Variants in PRUNE1 observed in about 807,000 individuals in gnomAD.
The protein encoded by PRUNE1 is exopolyphosphatase PRUNE1.
A neutral mutation model predicts 42.5 loss-of-function variants in PRUNE1; 25 were observed. The observed-to-expected ratio is 0.59, with a 90% CI of 0.43 to 0.82. The LOEUF (loss-of-function observed/expected upper bound fraction) is 0.82, where lower values mean the gene tolerates loss of function less well. Among genes scored for constraint, PRUNE1 ranks in the 40% least tolerant of loss-of-function variants. The pLI is 0.00. For synonymous variants in PRUNE1, 203 were observed against 217.1 expected, an observed-to-expected ratio of 0.93 and a Z score of 0.57; for missense variants, 443 against 539.3, an observed-to-expected ratio of 0.82 and a Z score of 1.77.
At position 151,033,460 on chromosome 1, in the gene PRUNE1, C is replaced by G. The variant is rs58738618; in HGVS notation, c.934-346C>G. ...GGCTGGAGTGCAGTGGCGCGATCTC[C>G]GCTCACTGCAAGCTCCGCCTCCTGG... On this transcript the variant is annotated intron_variant, in intron 7 of 7. Transcript: ENST00000271620. Among the ~76,000 whole-genome samples, 934 of 147,164 alleles carry G rather than the reference C, an allele frequency of 6.3e-3. 11 individuals carry two copies. Among genetic ancestry groups the G allele is most frequent in the African/African-American group, 0.023 (899 of 39,608 alleles).
rs587749967 is a variant in PRUNE1 at position 151,014,909 on chromosome 1, C to T, written c.40-2903C>T. ...CAGCCTCCACAAAAAAAGAATTATCCGGCTGGGCATGGTGGCTCATGCCTG... is the reference window on the plus strand; with the variant it reads ...CAGCCTCCACAAAAAAAGAATTATCTGGCTGGGCATGGTGGCTCATGCCTG... On this transcript the variant is annotated intron_variant, in intron 1 of 7. Coordinates refer to ENST00000271620, the MANE Select transcript of PRUNE1 (RefSeq NM_021222.3). Among the ~76,000 whole-genome samples the T allele has an allele frequency of 6.6e-5, 10 of 152,262 alleles. No individual in the cohort carries two copies. In the East Asian group the frequency reaches 7.7e-4, roughly 12 times the overall value.
intron 3 of PRUNE1, among the ~76,000 whole-genome samples, chr1:151,024,046 G>A (rs1438689222): frequency 6.6e-6 from 1 of 151,914 alleles, no homozygotes; most frequent in African/African-American, 2.4e-5. Flanking sequence ...AATTAGCCGG[G>A]TTTGGTGGCA....
rs182854373 is a variant in PRUNE1, at chr1:151,022,457, C to G, written c.336-2154C>G. On this transcript the variant is annotated intron_variant, in intron 3 of 7. Coordinates refer to ENST00000271620, the MANE Select transcript of PRUNE1 (RefSeq NM_021222.3). ...TTTAAGAGACGTAGTCTCGCTCTGT[C>G]GCCCAGGCTGGAGTGCACTGGCGCG... is the stretch of plus-strand genomic sequence containing the variant. Among the ~76,000 whole-genome samples the G allele has an allele frequency of 4.1e-3, 560 of 136,460 alleles. 6 individuals are homozygous for G. The highest frequency in any genetic ancestry group is 0.014 in the African/African-American group (508 of 36,524). 89.5% of individuals were successfully genotyped at this position (136,460 alleles called of 152,430 possible). A position where few individuals can be genotyped will look rare whatever the true frequency, so the allele number is the denominator to read the frequency against.
intron 6 of PRUNE1, 37 bp downstream of exon 6, chr1:151,027,364 G>C (rs1674913908): frequency 6.7e-7 from 1 of 1,483,968 alleles, no homozygotes; most frequent in Admixed American, 1.7e-5. Flanking sequence ...GGGAGAGAAA[G>C]CCTTTAGCTA....
chr1:151,024,508 A>G, intron 3 of PRUNE1, 103 bp from the exon 4 acceptor site: 2 of 1,106,762 alleles, frequency 1.8e-6, no homozygotes, highest in Non-Finnish European at 1.3e-6. Flanking sequence ...AAAAAAAAAG[A>G]CATCTGCATT....
chr1:151,008,806 T>C, intron 1 of PRUNE1, 135 bp downstream of exon 1: 1 of 1,124,048 alleles, frequency 8.9e-7, no homozygotes, highest in Non-Finnish European at 1.3e-6. Context: ...TGGGGCCTGA[T>C]CAGTTTTGGG....
chr1:151,029,569 G>A (rs374060331), intron 7 of PRUNE1, among the ~76,000 whole-genome samples: 38 of 151,420 alleles, frequency 2.5e-4, no homozygotes, highest in South Asian at 1.0e-3. Flanking sequence ...GGGTTTCACC[G>A]TGTTAGCCAG....
Position 151,034,033 on chromosome 1 carries a change from G to A in PRUNE1, c.1161G>A (p.Leu387=). 1 of 1,614,174 alleles carries A rather than the reference G, an allele frequency of 6.2e-7. No individual in the cohort carries two copies. Among genetic ancestry groups the A allele is most frequent in the Non-Finnish European group, 8.5e-7 (1 of 1,180,018 alleles). ...DVSREQVDKE[L]DRASNSLISG... ...CCAGGGAGCAAGTGGACAAGGAATTGGACAGGGCAAGTAACTCCCTGATTT... is the reference window on the plus strand; with the variant it reads ...CCAGGGAGCAAGTGGACAAGGAATTAGACAGGGCAAGTAACTCCCTGATTT... Residue 387 remains leucine (L), a synonymous_variant, in exon 8 of 8, where the codon TTG becomes TTA. Coordinates refer to ENST00000271620, the MANE Select transcript of PRUNE1 (RefSeq NM_021222.3).
At chr1:151,027,769 T>TGC (rs1351469764) in intron 6 of PRUNE1, among the ~76,000 whole-genome samples, 15 of 140,492 alleles carry the variant, frequency 1.1e-4, no homozygotes, top group African/African-American at 4.7e-4. Context: ...TGTGTGTGTG[T>TGC]GTGTGTGTGT....
chr1:151,027,348 T>C, intron 6 of PRUNE1, 21 bp downstream of exon 6: 1 of 1,553,840 alleles, frequency 6.4e-7, no homozygotes, highest in South Asian at 1.1e-5. Context: ...GTTGTGGCTG[T>C]GGGTGGGGAG....
Position 151,018,677 on chromosome 1 carries a change from C to T in PRUNE1, c.335+8C>T. 1.2e-6 allele frequency: 2 copies of T among 1,611,302 alleles called. No homozygotes were observed. Among genetic ancestry groups the T allele is most frequent in the Non-Finnish European group, 1.7e-6 (2 of 1,177,690 alleles). ...CCATCATATCTTATCCAAGTAAGCA[C>T]AAGGAAATTAAATTGCTACCTATCA... On this transcript the variant is annotated splice_region_variant and intron_variant, in intron 3 of 7. Coordinates refer to ENST00000271620, the MANE Select transcript of PRUNE1 (RefSeq NM_021222.3).
intron 1 of PRUNE1, among the ~76,000 whole-genome samples, chr1:151,009,215 T>A (rs1332158272): frequency 6.6e-6 from 1 of 152,148 alleles, no homozygotes; most frequent in Admixed American, 6.6e-5. Flanking sequence ...AGTCACAGTA[T>A]TTTACTTTAA....
At position 151,008,875 on chromosome 1, in the gene PRUNE1, TC is replaced by T. The variant is rs587722487; in HGVS notation, c.39+205del. On this transcript the variant is annotated intron_variant, in intron 1 of 7. Transcript: ENST00000271620. ...GAGCGTGAGAATGCTGCTTGTTCAGTCTCCCGGTTTTTGGCTCCCCGCCTTT... is the reference window on the plus strand; with the variant it reads ...GAGCGTGAGAATGCTGCTTGTTCAGTTCCCGGTTTTTGGCTCCCCGCCTTT... 34 of 727,730 alleles carry T rather than the reference TC, an allele frequency of 4.7e-5. No homozygotes were observed. In the Admixed American group the frequency reaches 5.5e-4, roughly 12 times the overall value. The allele number at this position is 727,730 out of a possible 1,614,324, so 45.1% of individuals were successfully genotyped here. A position where few individuals can be genotyped will look rare whatever the true frequency, so the allele number is the denominator to read the frequency against.
intron 7 of PRUNE1, among the ~76,000 whole-genome samples, chr1:151,029,956 A>G (rs1675138586): frequency 6.6e-6 from 1 of 151,808 alleles, no homozygotes; most frequent in Non-Finnish European, 1.5e-5. Flanking sequence ...TGATTAGCCT[A>G]GGGAAGAATT....
At chr1:151,023,955 G>A (rs587691145) in intron 3 of PRUNE1, among the ~76,000 whole-genome samples, 1 of 152,132 alleles carries the variant, frequency 6.6e-6, no homozygotes, top group East Asian at 1.9e-4. Context: ...GGCCAAGGCG[G>A]GCAGATCACG....
chr1:151,030,396 C>T (rs113693755), intron 7 of PRUNE1, among the ~76,000 whole-genome samples: 6 of 152,234 alleles, frequency 3.9e-5, no homozygotes, highest in African/African-American at 1.2e-4. Context: ...TCTGTCCTTT[C>T]CCGCCCCCCT....
chr1:151,019,362 C>T (rs1469629186), intron 3 of PRUNE1, among the ~76,000 whole-genome samples: 3 of 151,726 alleles, frequency 2.0e-5, no homozygotes, highest in Non-Finnish European at 4.4e-5. Flanking sequence ...GTTCAAGACC[C>T]GCCTGAGCAA....
Position 151,033,800 on chromosome 1 carries a change from C to T in PRUNE1, c.934-6C>T. On this transcript the variant is annotated splice_region_variant and splice_polypyrimidine_tract_variant and intron_variant, in intron 7 of 7. Transcript: ENST00000271620. ...TATCATTTCCCTGTTATTGTCTCCT[C>T]TTTAGATCTGTGAAGTCCTGGAACG... 1 of 1,611,246 alleles carries T rather than the reference C, an allele frequency of 6.2e-7. No individual in the cohort carries two copies. Among genetic ancestry groups the T allele is most frequent in the East Asian group, 2.2e-5 (1 of 44,818 alleles).
At chr1:151,018,311 G>T (rs1215625308) in intron 2 of PRUNE1, 156 bp from the exon 3 acceptor site, 1 of 783,456 alleles carries the variant, frequency 1.3e-6, no homozygotes, top group Non-Finnish European at 2.3e-6. Flanking sequence ...AGGAGGGAGG[G>T]CAAAAGTCAT....
Sources: allele counts gnomAD v4.1 joint callset (sites outside exome capture counted in the v4.1 genomes callset), GRCh38; gene constraint gnomAD v4.1.1; transcripts MANE v1.5; gene names NCBI Gene and HGNC (gene_info 2026-07-23, HGNC 2026-07-21).